The following CNTN6 variants were observed in gnomAD, a reference collection of about 807,000 sequenced individuals.
The protein encoded by CNTN6 is contactin 6.
A neutral mutation model predicts 122.8 loss-of-function variants in CNTN6; 137 were observed. The ratio of observed to expected loss-of-function variants is 1.12; its 90% CI spans 0.97 to 1.29. CNTN6 has a LOEUF of 1.29. Among genes scored for constraint, CNTN6 ranks in the 50% most tolerant of loss-of-function variants. The pLI, the probability that CNTN6 is intolerant of heterozygous loss-of-function variation, is 0.00. For synonymous variants in CNTN6, 570 were observed against 426.0 expected, an observed-to-expected ratio of 1.34 and a Z score of -4.16; for missense variants, 1,634 against 1,223.4, an observed-to-expected ratio of 1.34 and a Z score of -5.01.
At chr3:1,319,629 A>G (rs2125962873) in intron 7 of CNTN6, among the ~76,000 whole-genome samples, 1 of 151,674 alleles carries the variant, frequency 6.6e-6, no homozygotes. Flanking sequence ...TTAGATTAAA[A>G]GCCTTTTCAA....
intron 4 of CNTN6, among the ~76,000 whole-genome samples, chr3:1,275,419 GTTCACGTATTA>G (rs1692153723): frequency 6.6e-6 from 1 of 152,004 alleles, no homozygotes; most frequent in South Asian, 2.1e-4. Flanking sequence ...TGTCTTTTAT[GTTCACGTATTA>G]TTCACCTCTA....
intron 17 of CNTN6, among the ~76,000 whole-genome samples, chr3:1,379,638 T>A (rs1246483811): frequency 6.6e-6 from 1 of 152,098 alleles, no homozygotes; most frequent in African/African-American, 2.4e-5. Context: ...TAACCCCTAT[T>A]TTTAAAAATT....
At chr3:1,217,879 T>G (rs556137699) in intron 2 of CNTN6, among the ~76,000 whole-genome samples, 20 of 152,312 alleles carry the variant, frequency 1.3e-4, no homozygotes, top group African/African-American at 4.8e-4. Context: ...GGAAGAAATA[T>G]TTTGGTTTCT....
At chr3:1,397,988 G>A (rs1384184493) in intron 20 of CNTN6, among the ~76,000 whole-genome samples, 2 of 152,050 alleles carry the variant, frequency 1.3e-5, no homozygotes, top group Non-Finnish European at 2.9e-5. Flanking sequence ...TTAGAATTCT[G>A]AGGGGCTAGT....
chr3:1,250,608 C>T (rs1246877537), intron 4 of CNTN6, among the ~76,000 whole-genome samples: 1 of 152,122 alleles, frequency 6.6e-6, no homozygotes, highest in African/African-American at 2.4e-5. Context: ...TTAGGTCACC[C>T]CTCATTGCCC....
At chr3:1,093,718 T>C (rs2090364724) in intron 1 of CNTN6, among the ~76,000 whole-genome samples, 1 of 152,212 alleles carries the variant, frequency 6.6e-6, no homozygotes, top group Non-Finnish European at 1.5e-5. Flanking sequence ...TAACAGCCTC[T>C]GGAGTTTCCT....
intron 4 of CNTN6, among the ~76,000 whole-genome samples, chr3:1,233,312 T>G (rs1314444408): frequency 6.6e-6 from 1 of 152,058 alleles, no homozygotes; most frequent in African/African-American, 2.4e-5. Context: ...CTGGTATGAG[T>G]TGAAGATGGT....
chr3:1,227,166 T>C (rs760172945), intron 3 of CNTN6, among the ~76,000 whole-genome samples: 1 of 152,228 alleles, frequency 6.6e-6, no homozygotes, highest in Non-Finnish European at 1.5e-5. Flanking sequence ...AATTGTTGAC[T>C]AATAGCTAAG....
At chr3:1,161,801 CAA>C (rs1491392080) in intron 2 of CNTN6, among the ~76,000 whole-genome samples, 49 of 149,802 alleles carry the variant, frequency 3.3e-4, no homozygotes, top group African/African-American at 1.1e-3. Flanking sequence ...CACACACACA[CAA>C]ACATATATAT....
At chr3:1,336,052 A>C (rs1333396758) in intron 11 of CNTN6, among the ~76,000 whole-genome samples, 1 of 104,932 alleles carries the variant, frequency 9.5e-6, no homozygotes, top group Non-Finnish European at 2.5e-5. Flanking sequence ...CCTGTTTCAA[A>C]CAAACAAACA....
chr3:1,152,438 C>G (rs769186895), intron 2 of CNTN6, among the ~76,000 whole-genome samples: 100 of 152,106 alleles, frequency 6.6e-4, no homozygotes, highest in Middle Eastern at 3.4e-3. Flanking sequence ...CACAACCGGT[C>G]CAGAAATATT....
At chr3:1,371,187 C>T (rs1397753857) in intron 12 of CNTN6, among the ~76,000 whole-genome samples, 1 of 152,046 alleles carries the variant, frequency 6.6e-6, no homozygotes, top group African/African-American at 2.4e-5. Context: ...AATGCAATCT[C>T]AATGTTAGTT....
intron 20 of CNTN6, among the ~76,000 whole-genome samples, chr3:1,395,798 G>A (rs1490370802): frequency 6.6e-6 from 1 of 152,106 alleles, no homozygotes. Context: ...CCCCAGCCCT[G>A]TATTAACTTT....
intron 16 of CNTN6, among the ~76,000 whole-genome samples, chr3:1,376,496 T>C (rs992947755): frequency 2.0e-5 from 3 of 152,118 alleles, no homozygotes; most frequent in Non-Finnish European, 2.9e-5. Context: ...CCCGAGAGAT[T>C]TGAGATTGTA....
chr3:1,400,429 C>A (rs1695537995), intron 20 of CNTN6, among the ~76,000 whole-genome samples: 1 of 152,076 alleles, frequency 6.6e-6, no homozygotes, highest in Admixed American at 6.6e-5. Context: ...ATATCCATTA[C>A]TTTAGAAGCC....
chr3:1,093,919 TC>T (rs1399264802), intron 1 of CNTN6, among the ~76,000 whole-genome samples: 1 of 152,188 alleles, frequency 6.6e-6, no homozygotes, highest in Non-Finnish European at 1.5e-5. Flanking sequence ...TTTTTGCTTC[TC>T]CAAATGAAAA....
chr3:1,345,573 T>C (rs976263256), intron 11 of CNTN6, among the ~76,000 whole-genome samples: 1 of 152,196 alleles, frequency 6.6e-6, no homozygotes, highest in Non-Finnish European at 1.5e-5. Context: ...GCTTATTAAA[T>C]GACAGTGACA....
At chr3:1,233,456 C>G (rs914714892) in intron 4 of CNTN6, among the ~76,000 whole-genome samples, 5 of 152,060 alleles carry the variant, frequency 3.3e-5, no homozygotes, top group Non-Finnish European at 7.4e-5. Flanking sequence ...TAGTTTGAAG[C>G]CAGGCGCGGT....
At chr3:1,245,905 C>T (rs2094576713) in intron 4 of CNTN6, among the ~76,000 whole-genome samples, 1 of 150,880 alleles carries the variant, frequency 6.6e-6, no homozygotes, top group African/African-American at 2.4e-5. Context: ...AAATTTTTAG[C>T]TGATGAGCTA....
Sources: gnomAD v4.1 joint callset for allele counts (sites outside exome capture counted in the v4.1 genomes callset) on GRCh38, gnomAD v4.1.1 for gene constraint, MANE v1.5 for transcripts, NCBI Gene and HGNC (gene_info 2026-07-23, HGNC 2026-07-21) for gene names.